The following NOP58 variants were observed in gnomAD, a reference collection of about 807,000 sequenced individuals.
NOP58 encodes nucleolar protein 58.
NOP58 carries 44 observed loss-of-function variants against 71.2 expected under a neutral mutation model. The observed-to-expected ratio is 0.62, with a 90% CI of 0.49 to 0.79. The LOEUF (loss-of-function observed/expected upper bound fraction) is 0.79, where lower values mean the gene tolerates loss of function less well. Among genes scored for constraint, NOP58 ranks in the 30% least tolerant of loss-of-function variants. The pLI is 0.00. For synonymous variants in NOP58, 228 were observed against 200.3 expected (o/e 1.14, Z -1.17); for missense variants, 538 against 620.2 (o/e 0.87, Z 1.41).
chr2:202,301,724 C>T (rs146359349), intron 13 of NOP58, among the ~76,000 whole-genome samples: 76 of 152,234 alleles, frequency 5.0e-4, no homozygotes, highest in African/African-American at 1.7e-3. Context: ...AAACGCCTTA[C>T]GACTTAAGCA....
rs375558934 is a variant in NOP58 at position 202,269,456 on chromosome 2, T to C, written c.45+3470T>C. Reference sequence around the variant, plus strand: ...TGAGGTACGGTGTTCTGCCCACTTATGTGTTTAGAGCGATTCAAAAGGAAA... The same window carrying C: ...TGAGGTACGGTGTTCTGCCCACTTACGTGTTTAGAGCGATTCAAAAGGAAA... On this transcript the variant is annotated intron_variant, in intron 1 of 14. Transcript: ENST00000264279. 5.3e-5 allele frequency among the ~76,000 whole-genome samples: 8 copies of C among 152,166 alleles called. No homozygotes were observed. In the East Asian group the frequency reaches 5.8e-4, roughly 11 times the overall value.
intron 12 of NOP58, 23 bp downstream of exon 12, chr2:202,297,929 G>A (rs774265123): frequency 3.6e-6 from 5 of 1,405,482 alleles, no homozygotes; most frequent in Middle Eastern, 1.8e-4. Flanking sequence ...AAGTGAGGAT[G>A]GGGTGAATAG....
chr2:202,283,882 C>T (rs898134280), intron 4 of NOP58, among the ~76,000 whole-genome samples: 2 of 152,166 alleles, frequency 1.3e-5, no homozygotes, highest in Admixed American at 6.6e-5. Flanking sequence ...TCAGTTTTTA[C>T]TTCCACCAGT....
At chr2:202,297,555 A>G (rs1328276090) in intron 11 of NOP58, 42 bp downstream of exon 11, 2 of 1,579,500 alleles carry the variant, frequency 1.3e-6, no homozygotes, top group African/African-American at 2.7e-5. Context: ...ATTACTTGTC[A>G]AAAGTTAATA....
At position 202,295,938 on chromosome 2, in the gene NOP58, C is replaced by T. The variant is rs191857824; in HGVS notation, c.1071+101C>T. ...TAGTACACATTAAATCTTCTATTGT[C>T]TCTTTCTTGTTAAATAGGGAATGGT... is the stretch of plus-strand genomic sequence containing the variant. On this transcript the variant is annotated intron_variant, in intron 10 of 14. Coordinates refer to ENST00000264279, the MANE Select transcript of NOP58 (RefSeq NM_015934.5). The T allele has an allele frequency of 1.4e-3, 1,259 of 884,244 alleles. 1 individual carries two copies. The highest frequency in any genetic ancestry group is 3.2e-3 in the Admixed American group (108 of 33,692). The allele number at this position is 884,244 out of a possible 1,614,324, so 54.8% of individuals were successfully genotyped here.
chr2:202,297,856 A>T lies in NOP58; in HGVS notation c.1218A>T (p.Ile406=). 2 of 1,572,722 alleles carry T rather than the reference A, an allele frequency of 1.3e-6. No homozygotes were observed. The highest frequency in any genetic ancestry group is 1.7e-6 in the Non-Finnish European group (2 of 1,156,530). The change falls in exon 12 of 15, where the codon ATA becomes ATT. Residue 406 remains isoleucine, a synonymous_variant. Coordinates refer to ENST00000264279, the MANE Select transcript of NOP58 (RefSeq NM_015934.5). The stretch of plus-strand genomic sequence containing the variant: ...CGTTTTCTTCTTAGATAAGAAAAAT[A>T]AGTGGAACAGGAAAAGCATTAGCAA... The part of the protein sequence containing the change: ...RTLEDRGIRK[I]SGTGKALAKT...
At chr2:202,303,251 C>CTAA in intron 14 of NOP58, 135 bp from the exon 15 acceptor site, 2 of 1,392,604 alleles carry the variant, frequency 1.4e-6, no homozygotes, top group Non-Finnish European at 2.0e-6. Context: ...TACTAAAAAT[C>CTAA]AAGTTTGCAT....
In NOP58 at chr2:202,303,533, G is replaced by T; in HGVS notation, c.*97G>T. ...TGCTCTCTAACGTAATCAAGGGAAGGTTCAGTAAGACAAAGTGATTTATCA... is the reference window on the plus strand; with the variant it reads ...TGCTCTCTAACGTAATCAAGGGAAGTTTCAGTAAGACAAAGTGATTTATCA... On this transcript the variant is annotated 3_prime_UTR_variant, in exon 15 of 15. Transcript: ENST00000264279. 1 of 1,448,212 alleles carries T rather than the reference G, an allele frequency of 6.9e-7. No homozygotes were observed. Among genetic ancestry groups the T allele is most frequent in the Non-Finnish European group, 9.1e-7 (1 of 1,093,084 alleles). 89.7% of individuals were successfully genotyped at this position (1,448,212 alleles called of 1,614,324 possible).
intron 5 of NOP58, among the ~76,000 whole-genome samples, chr2:202,287,388 A>G (rs1406444181): frequency 6.6e-6 from 1 of 152,054 alleles, no homozygotes; most frequent in Non-Finnish European, 1.5e-5. Flanking sequence ...TGTATTACAC[A>G]GCTTATCCTA....
At chr2:202,292,586 T>C (rs112458708) in intron 8 of NOP58, among the ~76,000 whole-genome samples, 191 bp from the exon 9 acceptor site, 14 of 151,408 alleles carry the variant, frequency 9.2e-5, no homozygotes, top group African/African-American at 3.2e-4. Flanking sequence ...TGCTGTGAGC[T>C]GAGATTGCGC....
chr2:202,286,021 A>C (rs1296113946), intron 5 of NOP58, among the ~76,000 whole-genome samples: 2 of 152,012 alleles, frequency 1.3e-5, no homozygotes, highest in Non-Finnish European at 2.9e-5. Flanking sequence ...TCTCTACTAA[A>C]AATACAAAAA....
At chr2:202,296,549 G>T (rs1688996001) in intron 10 of NOP58, among the ~76,000 whole-genome samples, 1 of 152,122 alleles carries the variant, frequency 6.6e-6, no homozygotes, top group Admixed American at 6.5e-5. Flanking sequence ...TCTTGCAGAT[G>T]ATGAAACTGA....
At chr2:202,270,120 G>C (rs1389666201) in intron 1 of NOP58, among the ~76,000 whole-genome samples, 1 of 152,154 alleles carries the variant, frequency 6.6e-6, no homozygotes, top group Non-Finnish European at 1.5e-5. Context: ...TCACCTATAG[G>C]TTTTAGTTAC....
At chr2:202,270,940 T>C (rs1051187104) in intron 1 of NOP58, among the ~76,000 whole-genome samples, 7 of 151,240 alleles carry the variant, frequency 4.6e-5, no homozygotes, top group African/African-American at 7.3e-5. Context: ...ATACAAAAAT[T>C]AGCCGGGCAT....
chr2:202,289,030 G>A (rs969399916), intron 6 of NOP58, among the ~76,000 whole-genome samples: 1 of 151,944 alleles, frequency 6.6e-6, no homozygotes, highest in Non-Finnish European at 1.5e-5. Context: ...TGAGGAAGGA[G>A]AATCACTTGA....
chr2:202,293,878 C>T (rs1431347731), intron 9 of NOP58, among the ~76,000 whole-genome samples: 3 of 151,876 alleles, frequency 2.0e-5, no homozygotes, highest in African/African-American at 4.8e-5. Context: ...CCCGGCCTGG[C>T]GTAACTCCTT....
chr2:202,286,617 C>T (rs1423546314), intron 5 of NOP58, among the ~76,000 whole-genome samples: 1 of 152,186 alleles, frequency 6.6e-6, no homozygotes, highest in Non-Finnish European at 1.5e-5. Flanking sequence ...AGCAAAAATG[C>T]ACAAAGGTTA....
At chr2:202,293,027 A>G (rs752610560) in intron 9 of NOP58, 124 bp downstream of exon 9, 1 of 978,350 alleles carries the variant, frequency 1.0e-6, no homozygotes, top group African/African-American at 1.6e-5. Context: ...AGTAGATGAT[A>G]TGTGGGAGAT....
intron 3 of NOP58, among the ~76,000 whole-genome samples, chr2:202,281,889 G>GGA (rs1313236199): frequency 6.6e-6 from 1 of 152,178 alleles, no homozygotes; most frequent in African/African-American, 2.4e-5. Flanking sequence ...GTGTACAAGT[G>GGA]GAGATACAAG....
Sources: allele counts gnomAD v4.1 joint callset (sites outside exome capture counted in the v4.1 genomes callset), GRCh38; gene constraint gnomAD v4.1.1; transcripts MANE v1.5; gene names NCBI Gene and HGNC (gene_info 2026-07-23, HGNC 2026-07-21).